The following CYSLTR2 variants were observed in gnomAD, a reference collection of about 807,000 sequenced individuals.
CYSLTR2 encodes cysteinyl leukotriene receptor 2, also known as G-protein coupled receptor GPCR21.
For missense variants in CYSLTR2, 398 were observed against 411.9 expected, an observed-to-expected ratio of 0.97 and a Z score of 0.29; for synonymous variants, 179 against 160.8, an observed-to-expected ratio of 1.11 and a Z score of -0.86.
intron 1 of CYSLTR2, among the ~76,000 whole-genome samples, chr13:48,667,381 G>C (rs371388433): frequency 6.6e-6 from 1 of 152,324 alleles, no homozygotes; most frequent in South Asian, 2.1e-4. Context: ...CAGTCAGCCT[G>C]GGGGGTGGAG....
chr13:48,685,341 G>A (rs1436952372), intron 1 of CYSLTR2, among the ~76,000 whole-genome samples: 1 of 152,142 alleles, frequency 6.6e-6, no homozygotes, highest in Non-Finnish European at 1.5e-5. Flanking sequence ...CCAATCACGT[G>A]AAATTGTTCC....
At chr13:48,669,351 A>G (rs1953355706) in intron 1 of CYSLTR2, among the ~76,000 whole-genome samples, 1 of 151,810 alleles carries the variant, frequency 6.6e-6, no homozygotes, top group Non-Finnish European at 1.5e-5. Flanking sequence ...AAAGGCATAC[A>G]CATGCCATGA....
rs1473340762 is a variant in CYSLTR2, at chr13:48,708,366, C to T, written c.*508C>T. ...GTCCTATAACAAAGCAGCATCAAGT[C>T]CCAAGTAAGGACAGTGAGAGAAAAG... On this transcript the variant is annotated 3_prime_UTR_variant, in exon 5 of 5. Coordinates refer to ENST00000682523, the MANE Select transcript of CYSLTR2 (RefSeq NM_001308476.3). 6.0e-6 allele frequency: 1 copy of T among 167,078 alleles called. No homozygotes were observed. The highest frequency in any genetic ancestry group is 1.5e-5 in the Non-Finnish European group (1 of 68,400). The allele number at this position is 167,078 out of a possible 1,614,324, so 10.3% of individuals were successfully genotyped here.
At chr13:48,706,280 G>A (rs1434528079) in intron 4 of CYSLTR2, among the ~76,000 whole-genome samples, 1 of 152,166 alleles carries the variant, frequency 6.6e-6, no homozygotes, top group Non-Finnish European at 1.5e-5. Flanking sequence ...ACGGGCGTGA[G>A]CCACCAAACC....
intron 1 of CYSLTR2, among the ~76,000 whole-genome samples, chr13:48,670,838 G>A (rs1953407331): frequency 6.6e-6 from 1 of 152,160 alleles, no homozygotes; most frequent in South Asian, 2.1e-4. Context: ...GCTTGATGGG[G>A]ATAGCATTGA....
chr13:48,671,559 G>C (rs1444940117), intron 1 of CYSLTR2, among the ~76,000 whole-genome samples: 1 of 152,160 alleles, frequency 6.6e-6, no homozygotes, highest in South Asian at 2.1e-4. Flanking sequence ...CATTGGTTCT[G>C]TTTATGTGAT....
rs1954537236 is a variant in CYSLTR2 at position 48,707,616 on chromosome 13, A to G, written c.799A>G (p.Arg267Gly). Residue 267 changes from arginine to glycine, a missense_variant, in exon 5 of 5, where the codon AGG (arginine) becomes GGG (glycine). Arg to Gly is a moderately radical substitution (Grantham distance 125). Coordinates refer to ENST00000682523, the MANE Select transcript of CYSLTR2 (RefSeq NM_001308476.3). The stretch of plus-strand genomic sequence containing the variant: ...GTGTTTCCTGCCCTATCACACACTG[A>G]GGACCGTCCACTTGACGACATGGAA... ...FLCFLPYHTL[R>G]TVHLTTWKVG... 6.2e-7 allele frequency: 1 copy of G among 1,612,772 alleles called. No individual in the cohort carries two copies. Among genetic ancestry groups the G allele is most frequent in the East Asian group, 2.2e-5 (1 of 44,880 alleles).
intron 1 of CYSLTR2, among the ~76,000 whole-genome samples, chr13:48,660,877 T>G (rs1187902971): frequency 2.6e-5 from 4 of 152,174 alleles, no homozygotes; most frequent in African/African-American, 9.6e-5. Context: ...CTCTGAGGCC[T>G]CTGGGATTTT....
chr13:48,673,927 T>C (rs1253894751), intron 1 of CYSLTR2, among the ~76,000 whole-genome samples: 1 of 152,200 alleles, frequency 6.6e-6, no homozygotes, highest in Non-Finnish European at 1.5e-5. Context: ...AATTCTTTTC[T>C]TTAAGAATGT....
intron 1 of CYSLTR2, among the ~76,000 whole-genome samples, chr13:48,668,332 G>A (rs1953321388): frequency 1.3e-5 from 2 of 152,124 alleles, no homozygotes; most frequent in South Asian, 2.1e-4. Context: ...ATTGGCAAGA[G>A]TTAGGCACAT....
rs869282546 is a variant in CYSLTR2, at chr13:48,695,068, A to ATTTTTTTTTTTTTTTTTTTTT, written c.-102-1452_-102-1432dup. Among the ~76,000 whole-genome samples the ATTTTTTTTTTTTTTTTTTTTT allele has an allele frequency of 1.3e-4, 9 of 71,618 alleles. 3 individuals are homozygous for ATTTTTTTTTTTTTTTTTTTTT. The highest frequency in any genetic ancestry group is 4.3e-4 in the African/African-American group (7 of 16,280). 47.0% of individuals were successfully genotyped at this position (71,618 alleles called of 152,430 possible). On this transcript the variant is annotated intron_variant, in intron 3 of 4. Transcript: ENST00000682523. The stretch of plus-strand genomic sequence containing the variant: ...AGACCATGGTATATCAGAACCTGGC[A>ATTTTTTTTTTTTTTTTTTTTT]TTTTTTTTTTTTTTTTTTTTTTTTT...
chr13:48,663,849 G>T (rs1411913706), intron 1 of CYSLTR2, among the ~76,000 whole-genome samples: 1 of 151,920 alleles, frequency 6.6e-6, no homozygotes, highest in Non-Finnish European at 1.5e-5. Context: ...CTCTGACTAG[G>T]ATTTCCAGTG....
At chr13:48,672,498 C>A (rs2138856892) in intron 1 of CYSLTR2, among the ~76,000 whole-genome samples, 1 of 152,044 alleles carries the variant, frequency 6.6e-6, no homozygotes, top group South Asian at 2.1e-4. Flanking sequence ...TCATTGGTTT[C>A]AAAGAATTTA....
At chr13:48,695,067 C>G (rs1954135730) in intron 3 of CYSLTR2, among the ~76,000 whole-genome samples, 1 of 83,696 alleles carries the variant, frequency 1.2e-5, no homozygotes, top group African/African-American at 4.4e-5. Flanking sequence ...CAGAACCTGG[C>G]ATTTTTTTTT....
chr13:48,692,345 TA>T (rs1382255109), intron 2 of CYSLTR2, among the ~76,000 whole-genome samples: 7 of 151,972 alleles, frequency 4.6e-5, no homozygotes, highest in Non-Finnish European at 1.0e-4. Flanking sequence ...GGGCATAGCA[TA>T]ACTTAATTTT....
At chr13:48,663,649 G>A (rs1157998455) in intron 1 of CYSLTR2, among the ~76,000 whole-genome samples, 3 of 151,756 alleles carry the variant, frequency 2.0e-5, no homozygotes, top group Non-Finnish European at 4.4e-5. Context: ...CTAGTTCATT[G>A]TTTGTGTAGA....
intron 4 of CYSLTR2, among the ~76,000 whole-genome samples, chr13:48,706,132 G>A (rs1954480386): frequency 6.6e-6 from 1 of 151,712 alleles, no homozygotes; most frequent in Non-Finnish European, 1.5e-5. Context: ...GGGTAGCAGA[G>A]GTGACAGGTG....
chr13:48,656,803 C>T (rs1953008713), intron 1 of CYSLTR2, among the ~76,000 whole-genome samples: 1 of 152,172 alleles, frequency 6.6e-6, no homozygotes, highest in Non-Finnish European at 1.5e-5. Flanking sequence ...ATAAAAGCCT[C>T]ACAAGGGATT....
Position 48,709,236 on chromosome 13 carries a change from C to T in CYSLTR2, c.*1378C>T, listed in dbSNP as rs1300076292. 2 of 167,098 alleles carry T rather than the reference C, an allele frequency of 1.2e-5. No homozygotes were observed. Among genetic ancestry groups the T allele is most frequent in the Non-Finnish European group, 2.9e-5 (2 of 68,132 alleles). The allele number at this position is 167,098 out of a possible 1,614,324, so 10.4% of individuals were successfully genotyped here. Reference sequence around the variant, plus strand: ...CTGTCCTTTCCTACCAATTTCCTCCCCCTCCTCACTCTCACAAGAAAACCA... The same window carrying T: ...CTGTCCTTTCCTACCAATTTCCTCCTCCTCCTCACTCTCACAAGAAAACCA... On this transcript the variant is annotated 3_prime_UTR_variant, in exon 5 of 5. Coordinates refer to ENST00000682523, the MANE Select transcript of CYSLTR2 (RefSeq NM_001308476.3).
Sources: allele counts gnomAD v4.1 joint callset (sites outside exome capture counted in the v4.1 genomes callset), GRCh38; gene constraint gnomAD v4.1.1; transcripts MANE v1.5; gene names NCBI Gene and HGNC (gene_info 2026-07-23, HGNC 2026-07-21).